Variants in ATF6 observed in about 807,000 individuals in gnomAD.
ATF6 encodes the protein cyclic AMP-dependent transcription factor ATF-6 alpha.
In ATF6, 53 loss-of-function variants were observed where a neutral mutation model predicts 83.6. The observed-to-expected ratio is 0.63, with a 90% CI of 0.51 to 0.80. ATF6 has a LOEUF of 0.80. Among genes scored for constraint, ATF6 ranks in the 30% least tolerant of loss-of-function variants. The pLI, the probability that ATF6 is intolerant of heterozygous loss-of-function variation, is 0.00. For missense variants in ATF6, 744 were observed against 797.9 expected (o/e 0.93, Z 0.81); for synonymous variants, 288 against 285.8 (o/e 1.01, Z -0.08).
At chr1:161,885,319 A>G (rs1404436127) in intron 14 of ATF6, among the ~76,000 whole-genome samples, 1 of 152,156 alleles carries the variant, frequency 6.6e-6, no homozygotes, top group Non-Finnish European at 1.5e-5. Flanking sequence ...GTACCTCTCT[A>G]GTACTCCCCA....
chr1:161,791,557 C>T lies in ATF6; in HGVS notation c.484+20C>T, dbSNP rs1684882713. Reference sequence around the variant, plus strand: ...AGACTGGTATTACTCTATCTCCTAACTTCTGTTATTTCTATTTCAGATTGA... The same window carrying T: ...AGACTGGTATTACTCTATCTCCTAATTTCTGTTATTTCTATTTCAGATTGA... On this transcript the variant is annotated intron_variant, in intron 5 of 15. Coordinates refer to ENST00000367942, the MANE Select transcript of ATF6 (RefSeq NM_007348.4). 1 of 1,575,938 alleles carries T rather than the reference C, an allele frequency of 6.3e-7. No homozygotes were observed. Among genetic ancestry groups the T allele is most frequent in the Admixed American group, 2.0e-5 (1 of 50,060 alleles).
chr1:161,901,280 C>A (rs1027392244), intron 14 of ATF6, among the ~76,000 whole-genome samples: 1 of 151,612 alleles, frequency 6.6e-6, no homozygotes, highest in African/African-American at 2.4e-5. Context: ...GAGTATAGTA[C>A]CCAACCAGTT....
chr1:161,779,602 C>G (rs1446341822), intron 2 of ATF6, among the ~76,000 whole-genome samples: 1 of 152,154 alleles, frequency 6.6e-6, no homozygotes, highest in Non-Finnish European at 1.5e-5. Context: ...ACTTATTTGG[C>G]TGAAGATTGA....
At chr1:161,814,791 TAA>T (rs897861695) in intron 7 of ATF6, among the ~76,000 whole-genome samples, 2 of 152,210 alleles carry the variant, frequency 1.3e-5, no homozygotes, top group Non-Finnish European at 2.9e-5. Flanking sequence ...AAAATCAAAT[TAA>T]GTTTTTTAAT....
intron 15 of ATF6, among the ~76,000 whole-genome samples, chr1:161,949,766 C>A (rs556083033): frequency 1.3e-5 from 2 of 152,180 alleles, no homozygotes; most frequent in African/African-American, 4.8e-5. Flanking sequence ...AACTCGCTCA[C>A]CCCTGAGGGA....
At chr1:161,901,002 T>C (rs1276076345) in intron 14 of ATF6, among the ~76,000 whole-genome samples, 1 of 152,152 alleles carries the variant, frequency 6.6e-6, no homozygotes, top group Non-Finnish European at 1.5e-5. Context: ...TATAAAATTA[T>C]AGTAGATAGA....
chr1:161,854,759 C>T lies in ATF6; in HGVS notation c.1533+1436C>T, dbSNP rs544525674. Among the ~76,000 whole-genome samples the T allele has an allele frequency of 3.0e-3, 450 of 152,026 alleles. 1 individual carries two copies. The highest frequency in any genetic ancestry group is 0.01 in the African/African-American group (434 of 41,474). ...TGGTGGCGGGTGCCTGTAGTCCCAG[C>T]TACTTGGGAGGCTGAGGCAGGAGAA... On this transcript the variant is annotated intron_variant, in intron 12 of 15. Transcript: ENST00000367942.
chr1:161,837,035 T>A (rs899526641), intron 9 of ATF6, among the ~76,000 whole-genome samples: 3 of 152,186 alleles, frequency 2.0e-5, no homozygotes, highest in African/African-American at 7.2e-5. Flanking sequence ...ATAGTTTGTG[T>A]GAAATAGCAT....
chr1:161,853,510 T>TA (rs1225977642), intron 12 of ATF6, among the ~76,000 whole-genome samples, 187 bp downstream of exon 12: 5 of 152,204 alleles, frequency 3.3e-5, no homozygotes, highest in African/African-American at 9.6e-5. Flanking sequence ...AGCACTAGTT[T>TA]AGGTTTTATA....
At chr1:161,906,080 G>A (rs557516915) in intron 14 of ATF6, among the ~76,000 whole-genome samples, 1 of 152,222 alleles carries the variant, frequency 6.6e-6, no homozygotes, top group Admixed American at 6.5e-5. Context: ...TGATCCATCT[G>A]CCTCGGCCTC....
intron 15 of ATF6, among the ~76,000 whole-genome samples, chr1:161,924,592 A>C (rs1688274723): frequency 6.6e-6 from 1 of 152,232 alleles, no homozygotes; most frequent in Admixed American, 6.5e-5. Flanking sequence ...TACAGAAACA[A>C]ATGCCTAGCT....
chr1:161,816,147 T>C (rs959494273), intron 7 of ATF6, among the ~76,000 whole-genome samples: 3 of 152,202 alleles, frequency 2.0e-5, no homozygotes, highest in African/African-American at 7.2e-5. Flanking sequence ...TTTGCAGCTG[T>C]AGAGTTTTTT....
chr1:161,917,811 G>A (rs554930596), intron 15 of ATF6, among the ~76,000 whole-genome samples: 1 of 152,208 alleles, frequency 6.6e-6, no homozygotes, highest in East Asian at 1.9e-4. Context: ...TTCTGCTTGC[G>A]GCATTATGTC....
intron 7 of ATF6, among the ~76,000 whole-genome samples, chr1:161,807,334 C>T (rs1685312270): frequency 6.6e-6 from 1 of 152,140 alleles, no homozygotes; most frequent in Non-Finnish European, 1.5e-5. Context: ...CTGTAACATC[C>T]AAGAATAGGA....
At chr1:161,894,609 T>C (rs1687634795) in intron 14 of ATF6, among the ~76,000 whole-genome samples, 1 of 129,950 alleles carries the variant, frequency 7.7e-6, no homozygotes, top group African/African-American at 2.7e-5. Context: ...TGATCTTGGC[T>C]CACTGCATCC....
chr1:161,871,518 A>G (rs562560019), intron 14 of ATF6, among the ~76,000 whole-genome samples: 6 of 151,694 alleles, frequency 4.0e-5, no homozygotes, highest in Non-Finnish European at 8.9e-5. Flanking sequence ...GAAAGGTAGG[A>G]TTTAATGATT....
chr1:161,813,750 T>A (rs940414160), intron 7 of ATF6, among the ~76,000 whole-genome samples: 1 of 152,182 alleles, frequency 6.6e-6, no homozygotes, highest in African/African-American at 2.4e-5. Flanking sequence ...TTTTTATTTT[T>A]ATTTTTAGAT....
chr1:161,935,912 C>A (rs1688526095), intron 15 of ATF6, among the ~76,000 whole-genome samples: 1 of 152,150 alleles, frequency 6.6e-6, no homozygotes, highest in South Asian at 2.1e-4. Flanking sequence ...TTAGAAATTT[C>A]TTTCTGTTAC....
intron 15 of ATF6, among the ~76,000 whole-genome samples, chr1:161,931,657 T>C (rs1017472336): frequency 6.6e-6 from 1 of 152,240 alleles, no homozygotes; most frequent in Non-Finnish European, 1.5e-5. Context: ...TTTTATGTGT[T>C]ACTGGCCATT....
Sources: allele counts gnomAD v4.1 joint callset (sites outside exome capture counted in the v4.1 genomes callset), GRCh38; gene constraint gnomAD v4.1.1; transcripts MANE v1.5; gene names NCBI Gene and HGNC (gene_info 2026-07-23, HGNC 2026-07-21).